The following CHL1 variants were observed in gnomAD, a reference collection of about 807,000 sequenced individuals.
CHL1 encodes the protein cell adhesion molecule L1 like, also known as neural cell adhesion molecule L1-like protein.
CHL1 carries 96 observed loss-of-function variants against 141.9 expected under a neutral mutation model. The ratio of observed to expected loss-of-function variants is 0.68; its 90% CI spans 0.57 to 0.80. The LOEUF is 0.80. Among genes scored for constraint, CHL1 ranks in the 30% least tolerant of loss-of-function variants. The pLI is 0.00. For synonymous variants in CHL1, 613 were observed against 502.2 expected (o/e 1.22, Z -2.95); for missense variants, 1,820 against 1,457.2 (o/e 1.25, Z -4.05).
chr3:283,667 T>C (rs902711047), intron 2 of CHL1, among the ~76,000 whole-genome samples: 28 of 152,212 alleles, frequency 1.8e-4, no homozygotes, highest in Non-Finnish European at 4.4e-5. Flanking sequence ...TACTGAAATA[T>C]GGGCTTGATC....
chr3:367,082 G>A (rs150868109), intron 15 of CHL1, among the ~76,000 whole-genome samples: 1 of 152,204 alleles, frequency 6.6e-6, no homozygotes, highest in African/African-American at 2.4e-5. Flanking sequence ...ATAGAGGAAA[G>A]TGTGAATGGA....
In CHL1 at chr3:403,720, C is replaced by G. The variant is rs1709321966; in HGVS notation, c.3459-1775C>G. On this transcript the variant is annotated intron_variant, in intron 27 of 27. Coordinates refer to ENST00000256509, the MANE Select transcript of CHL1 (RefSeq NM_006614.4). ...CTAACATCTTCCTGTGCATTATTTC[C>G]TATGACATCCCTTTATAGTAGCTGA... Among the ~76,000 whole-genome samples the G allele has an allele frequency of 2.0e-5, 3 of 152,148 alleles. No homozygotes were observed. In the South Asian group the frequency reaches 6.2e-4, roughly 32 times the overall value.
intron 3 of CHL1, among the ~76,000 whole-genome samples, chr3:320,539 C>T (rs1158393780): frequency 6.6e-6 from 1 of 151,896 alleles, no homozygotes; most frequent in Non-Finnish European, 1.5e-5. Context: ...AGATCAGCAT[C>T]AGCAGGACAT....
At chr3:289,646 A>G (rs944058170) in intron 2 of CHL1, among the ~76,000 whole-genome samples, 1 of 151,994 alleles carries the variant, frequency 6.6e-6, no homozygotes, top group Non-Finnish European at 1.5e-5. Context: ...TTTTATATGT[A>G]TTTCTGTTTA....
At chr3:241,344 C>T (rs760141298) in intron 1 of CHL1, among the ~76,000 whole-genome samples, 1 of 152,156 alleles carries the variant, frequency 6.6e-6, no homozygotes, top group Non-Finnish European at 1.5e-5. Context: ...CTAATGAAGT[C>T]ATAGGTTTGA....
chr3:400,741 G>T (rs866251514), intron 26 of CHL1, among the ~76,000 whole-genome samples: 1 of 151,928 alleles, frequency 6.6e-6, no homozygotes, highest in Non-Finnish European at 1.5e-5. Context: ...GGCAGAGGTT[G>T]CAGTGAGCCG....
intron 1 of CHL1, among the ~76,000 whole-genome samples, chr3:202,705 A>T (rs1699068284): frequency 6.6e-6 from 1 of 152,260 alleles, no homozygotes; most frequent in African/African-American, 2.4e-5. Flanking sequence ...CCCTGGTGTC[A>T]TGAAATGTGG....
intron 26 of CHL1, among the ~76,000 whole-genome samples, chr3:399,407 C>T (rs915100165): frequency 2.6e-5 from 4 of 151,956 alleles, no homozygotes; most frequent in African/African-American, 4.8e-5. Context: ...TTTGGGAGGC[C>T]GAGGTGGGCG....
At chr3:217,269 G>C (rs903543267) in intron 1 of CHL1, among the ~76,000 whole-genome samples, 2 of 152,034 alleles carry the variant, frequency 1.3e-5, no homozygotes, top group African/African-American at 4.8e-5. Context: ...GGGTATATGT[G>C]TATACGTGTG....
At chr3:381,567 A>C (rs552718729) in intron 16 of CHL1, among the ~76,000 whole-genome samples, 42 of 152,346 alleles carry the variant, frequency 2.8e-4, no homozygotes, top group African/African-American at 7.2e-4. Flanking sequence ...TTATGCCTAA[A>C]AGGGTGAGGT....
intron 1 of CHL1, among the ~76,000 whole-genome samples, chr3:228,986 T>C (rs1437797438): frequency 6.6e-6 from 1 of 152,196 alleles, no homozygotes; most frequent in African/African-American, 2.4e-5. Flanking sequence ...GTTCTCTTTC[T>C]TTAATACATT....
At chr3:348,068 T>C (rs1446079233) in intron 9 of CHL1, among the ~76,000 whole-genome samples, 1 of 152,224 alleles carries the variant, frequency 6.6e-6, no homozygotes, top group African/African-American at 2.4e-5. Context: ...GCTCAATTAT[T>C]ACATAGTAAC....
Position 347,809 on chromosome 3 carries a change from A to G in CHL1, c.849-1550A>G, listed in dbSNP as rs528956343. On this transcript the variant is annotated intron_variant, in intron 9 of 27. Transcript: ENST00000256509. ...TGCTCTCACAGCTGTCTGCCCAGGC[A>G]TCATTACCATTTCCTACACAAGCGT... Among the ~76,000 whole-genome samples the G allele has an allele frequency of 6.6e-4, 101 of 152,212 alleles. 1 individual carries two copies. Among genetic ancestry groups the G allele is most frequent in the Non-Finnish European group, 1.6e-4 (11 of 68,030 alleles).
At position 354,672 on chromosome 3, in the gene CHL1, G is replaced by T; in HGVS notation, c.1066G>T (p.Ala356Ser). The change falls in exon 11 of 28, where the codon GCT (alanine) becomes TCT (serine). Residue 356 changes from alanine to serine, a missense_variant. Transcript: ENST00000256509. ...PPRWTKKPQS[A>S]VYSTGSNGIL... Reference sequence around the variant, plus strand: ...TCGCTGGACAAAGAAGCCTCAGAGTGCTGTGTATAGCACCGGAAGCAATGG... The same window carrying T: ...TCGCTGGACAAAGAAGCCTCAGAGTTCTGTGTATAGCACCGGAAGCAATGG... 3 of 1,613,902 alleles carry T rather than the reference G, an allele frequency of 1.9e-6. No individual in the cohort carries two copies. Among genetic ancestry groups the T allele is most frequent in the Non-Finnish European group, 2.5e-6 (3 of 1,179,840 alleles).
chr3:333,124 A>ATTT (rs879790982), intron 5 of CHL1, among the ~76,000 whole-genome samples: 1,700 of 83,268 alleles, frequency 0.02, 367 homozygotes, highest in African/African-American at 0.064. Context: ...TAATTGCTCT[A>ATTT]TTTTTTTTAT....
chr3:328,474 T>C (rs1559261953), intron 5 of CHL1, 120 bp downstream of exon 5: 1 of 762,968 alleles, frequency 1.3e-6, no homozygotes, highest in African/African-American at 1.8e-5. Flanking sequence ...ATGTGTCTTG[T>C]ATTTTATTTA....
intron 1 of CHL1, among the ~76,000 whole-genome samples, chr3:203,919 T>C (rs193275241): frequency 9.2e-5 from 14 of 152,320 alleles, no homozygotes; most frequent in African/African-American, 2.6e-4. Flanking sequence ...CTTGAAGGCT[T>C]TACATTTGTG....
At chr3:209,589 A>G (rs1211682883) in intron 1 of CHL1, among the ~76,000 whole-genome samples, 2 of 152,168 alleles carry the variant, frequency 1.3e-5, no homozygotes, top group African/African-American at 4.8e-5. Context: ...TTATACTTCA[A>G]GTTTTAGGGT....
chr3:204,500 T>C (rs1356955748), intron 1 of CHL1, among the ~76,000 whole-genome samples: 1 of 152,222 alleles, frequency 6.6e-6, no homozygotes, highest in African/African-American at 2.4e-5. Context: ...GACTAAGAGA[T>C]GTATTTCCCA....
Sources: allele counts gnomAD v4.1 joint callset (sites outside exome capture counted in the v4.1 genomes callset), GRCh38; gene constraint gnomAD v4.1.1; transcripts MANE v1.5; gene names NCBI Gene and HGNC (gene_info 2026-07-23, HGNC 2026-07-21).